ITGB4: variants seen among roughly 807,000 people sequenced by gnomAD.
The protein encoded by ITGB4 is integrin subunit beta 4.
Under a neutral mutation model 207.6 loss-of-function variants are expected in ITGB4, and 159 were observed. The observed-to-expected ratio is 0.77, with a 90% CI of 0.67 to 0.87. The LOEUF (loss-of-function observed/expected upper bound fraction) is 0.87. Ranked by LOEUF, ITGB4 falls within the 40% of genes least tolerant of loss-of-function variation. The pLI is 0.00. For synonymous variants in ITGB4, 1,020 were observed against 1,062.7 expected (o/e 0.96, Z 0.78); for missense variants, 2,278 against 2,546.8 (o/e 0.89, Z 2.27).
At chr17:75,748,803 C>G in intron 26 of ITGB4, 38 bp from the exon 27 acceptor site, 1 of 1,523,466 alleles carries the variant, frequency 6.6e-7, no homozygotes, top group Non-Finnish European at 9.0e-7. Flanking sequence ...GCCTCAGCCC[C>G]CAGCCATGAC....
At chr17:75,725,411 C>T (rs557497547) in intron 2 of ITGB4, among the ~76,000 whole-genome samples, 8 of 152,296 alleles carry the variant, frequency 5.3e-5, no homozygotes, top group African/African-American at 1.9e-4. Context: ...TTCCCAGGCT[C>T]AAGCAATCCT....
intron 13 of ITGB4, among the ~76,000 whole-genome samples, chr17:75,733,970 T>C (rs1013677175): frequency 6.6e-6 from 1 of 152,102 alleles, no homozygotes; most frequent in Non-Finnish European, 1.5e-5. Context: ...CTCTGGAAGT[T>C]CAGTTCTATG....
chr17:75,735,665 C>G (rs777745483), intron 13 of ITGB4, among the ~76,000 whole-genome samples: 3 of 152,174 alleles, frequency 2.0e-5, no homozygotes, highest in Non-Finnish European at 2.9e-5. Flanking sequence ...CCCGCCTCAG[C>G]CTCCCAAAGT....
chr17:75,733,733 G>C, intron 13 of ITGB4, 41 bp downstream of exon 13: 18 of 1,591,158 alleles, frequency 1.1e-5, no homozygotes, highest in Non-Finnish European at 1.5e-5. Context: ...GGCGGGGTAG[G>C]GAGTGGACAG....
chr17:75,722,771 G>GTGTGTT lies in ITGB4; in HGVS notation c.-11+1164_-11+1165insTTGTGT, dbSNP rs1195630048. Among the ~76,000 whole-genome samples the GTGTGTT allele has an allele frequency of 3.3e-5, 5 of 149,860 alleles. No individual in the cohort carries two copies. In the East Asian group the frequency reaches 7.8e-4, roughly 23 times the overall value. ...GTGGGCATGGCCTGTGTGTGTGTGT[G>GTGTGTT]TGTGTGTGTGTGTGTGTGTGTCCCT... On this transcript the variant is annotated intron_variant, in intron 1 of 39. Transcript: ENST00000200181. This position sits in a 1 kb window ranked among gnomAD's most constrained non-coding sequence, Gnocchi z 6.2.
rs550867902 is a variant in ITGB4 at position 75,731,880 on chromosome 17, G to T, written c.1284G>T (p.Glu428Asp). 30 of 1,613,944 alleles carry T rather than the reference G, an allele frequency of 1.9e-5. No individual in the cohort carries two copies. The African/African-American group carries it at 3.7e-4, about 20-fold the overall frequency. The change falls in exon 11 of 40, where the codon GAG becomes GAT. Residue 428 changes from glutamate (E) to aspartate (D), a missense_variant. Physicochemically the swap from Glu to Asp is conservative, Grantham distance 45 (BLOSUM62 2). Transcript: ENST00000200181. The surrounding 1 kb of genome is among the most constrained non-coding windows in gnomAD (Gnocchi z 6.8). ...GGACGCACGTGTGCCAGCTGCCGGA[G>T]GACCAGAAGGGCAACATCCATCTGA... is the stretch of plus-strand genomic sequence containing the variant. Reference protein sequence around the residue: ...VDGTHVCQLPEDQKGNIHLKP... With the variant: ...VDGTHVCQLPDDQKGNIHLKP...
chr17:75,736,781 G>A, intron 16 of ITGB4, 87 bp downstream of exon 16: 1 of 1,446,938 alleles, frequency 6.9e-7, no homozygotes, highest in Non-Finnish European at 9.5e-7. Context: ...CTGGACGGGG[G>A]CTTGCAGTCT....
rs763778077 is a variant in ITGB4, at chr17:75,740,374, C to T, written c.2463C>T (p.Ser821=). The T allele has an allele frequency of 2.9e-5, 46 of 1,613,564 alleles. No homozygotes were observed. Among genetic ancestry groups the T allele is most frequent in the Non-Finnish European group, 3.9e-5 (46 of 1,180,026 alleles). Residue 821 remains serine (S), a synonymous_variant, in exon 21 of 40, where the codon TCC becomes TCT. Coordinates refer to ENST00000200181, the MANE Select transcript of ITGB4 (RefSeq NM_000213.5). This position sits in a 1 kb window ranked among gnomAD's most constrained non-coding sequence, Gnocchi z 5.9. ...TTTCCTTAGTGCCCTACGGGCTGTCCTTGCGCCTGGCCCGCCTTTGCACCG... is the reference window on the plus strand; with the variant it reads ...TTTCCTTAGTGCCCTACGGGCTGTCTTTGCGCCTGGCCCGCCTTTGCACCG... ...NPTELVPYGL[S]LRLARLCTEN... is the part of the protein sequence containing the mutation.
At chr17:75,754,439 G>A in intron 33 of ITGB4, 137 bp from the exon 34 acceptor site, 1 of 1,079,314 alleles carries the variant, frequency 9.3e-7, no homozygotes, top group Non-Finnish European at 1.4e-6. Flanking sequence ...TGTCCCTAGT[G>A]GTTTGAGGGA....
rs1455721404 is a variant in ITGB4, at chr17:75,727,630, G to C, written c.265-21G>C. ...CTCCGGAGTGACCCTCTAGCCAGCT[G>C]TCCCCTTCCACTGGCTGCAGGAGAC... On this transcript the variant is annotated intron_variant, in intron 4 of 39. Coordinates refer to ENST00000200181, the MANE Select transcript of ITGB4 (RefSeq NM_000213.5). This position sits in a 1 kb window ranked among gnomAD's most constrained non-coding sequence, Gnocchi z 6.0. 1.3e-6 allele frequency: 2 copies of C among 1,593,136 alleles called. No homozygotes were observed. The highest frequency in any genetic ancestry group is 1.8e-5 in the Admixed American group (1 of 56,828).
chr17:75,729,328 A>G lies in ITGB4; in HGVS notation c.630A>G (p.Thr210=). The change falls in exon 7 of 40, where the codon ACA becomes ACG. Residue 210 remains threonine, a synonymous_variant. Coordinates refer to ENST00000200181, the MANE Select transcript of ITGB4 (RefSeq NM_000213.5). This position sits in a 1 kb window ranked among gnomAD's most constrained non-coding sequence, Gnocchi z 4.4. ...PFSFKNVISL[T]EDVDEFRNKL... Reference sequence around the variant, plus strand: ...CCTTCAAGAACGTCATCAGCCTGACAGAAGATGTGGATGAGTTCCGGAATA... The same window carrying G: ...CCTTCAAGAACGTCATCAGCCTGACGGAAGATGTGGATGAGTTCCGGAATA... The G allele has an allele frequency of 2.5e-6, 4 of 1,614,138 alleles. No individual in the cohort carries two copies. Among genetic ancestry groups the G allele is most frequent in the Non-Finnish European group, 2.5e-6 (3 of 1,180,022 alleles).
chr17:75,747,877 T>TTTTG (rs952773966), intron 26 of ITGB4, among the ~76,000 whole-genome samples: 6 of 152,212 alleles, frequency 3.9e-5, no homozygotes, highest in African/African-American at 1.4e-4. Flanking sequence ...CTGGTTTGTT[T>TTTTG]TTTGTTTGTT....
At chr17:75,730,536 G>C in intron 8 of ITGB4, 32 bp downstream of exon 8, 2 of 1,611,952 alleles carry the variant, frequency 1.2e-6, no homozygotes, top group Non-Finnish European at 1.7e-6. Flanking sequence ...GGTGGGAGGT[G>C]GTCAAGGTAG....
chr17:75,736,443 T>G lies in ITGB4; in HGVS notation c.1860+57T>G, dbSNP rs556894868. On this transcript the variant is annotated intron_variant, in intron 15 of 39. Transcript: ENST00000200181. ...GGAACAGGGCAGGCACAGGGCAGTG[T>G]GGGCAGGAGGGGCTAAGCCTGATGC... is the stretch of plus-strand genomic sequence containing the variant. 1.7e-5 allele frequency: 27 copies of G among 1,608,704 alleles called. No homozygotes were observed. The African/African-American group carries it at 3.3e-4, about 20-fold the overall frequency.
intron 34 of ITGB4, chr17:75,755,046 C>T: frequency 1.3e-6 from 2 of 1,592,480 alleles, no homozygotes; most frequent in Non-Finnish European, 8.6e-7. Context: ...TTGTTTTGTC[C>T]TGCCCTAGGC....
chr17:75,722,783 G>GTGTGTGTGTT lies in ITGB4; in HGVS notation c.-11+1180_-11+1181insTTGTGTGTGT, dbSNP rs1351129958. Reference sequence around the variant, plus strand: ...TGTGTGTGTGTGTGTGTGTGTGTGTGTGTGTGTGTCCCTGTGGGGGGGAAA... The same window carrying GTGTGTGTGTT: ...TGTGTGTGTGTGTGTGTGTGTGTGTGTGTGTGTGTTTGTGTGTGTCCCTGTGGGGGGGAAA... On this transcript the variant is annotated intron_variant, in intron 1 of 39. Coordinates refer to ENST00000200181, the MANE Select transcript of ITGB4 (RefSeq NM_000213.5). This position sits in a 1 kb window ranked among gnomAD's most constrained non-coding sequence, Gnocchi z 6.2. 2.0e-4 allele frequency among the ~76,000 whole-genome samples: 30 copies of GTGTGTGTGTT among 151,640 alleles called. No individual in the cohort carries two copies. The highest frequency in any genetic ancestry group is 7.0e-4 in the African/African-American group (29 of 41,238).
In ITGB4 at chr17:75,731,034, G is replaced by C. The variant is rs2060845346; in HGVS notation, c.1092+70G>C. 2.7e-6 allele frequency: 4 copies of C among 1,477,888 alleles called. No individual in the cohort carries two copies. Among genetic ancestry groups the C allele is most frequent in the Non-Finnish European group, 3.8e-6 (4 of 1,059,014 alleles). 91.5% of individuals were successfully genotyped at this position (1,477,888 alleles called of 1,614,324 possible). A position where few individuals can be genotyped will look rare whatever the true frequency, so the allele number is the denominator to read the frequency against. On this transcript the variant is annotated intron_variant, in intron 9 of 39. Transcript: ENST00000200181. The surrounding 1 kb of genome is among the most constrained non-coding windows in gnomAD (Gnocchi z 6.8). ...GGCAGGAAGTGGGCAGGGTGGGCAA[G>C]AGGTGTCTTGGATCACGGTGGAGAA...
intron 27 of ITGB4, 123 bp from the exon 28 acceptor site, chr17:75,749,988 G>T (rs549230896): frequency 1.7e-6 from 2 of 1,202,648 alleles, no homozygotes; most frequent in Non-Finnish European, 2.5e-6. Flanking sequence ...CCAGAGACGC[G>T]GGTGGGCAGG....
intron 26 of ITGB4, among the ~76,000 whole-genome samples, chr17:75,748,211 A>AAT (rs1452336608): frequency 2.7e-5 from 4 of 148,008 alleles, no homozygotes; most frequent in Non-Finnish European, 5.9e-5. Context: ...AAAAAAAAAA[A>AAT]AAAAAATAGC....
Sources: gnomAD v4.1 joint callset for allele counts (sites outside exome capture counted in the v4.1 genomes callset) on GRCh38, gnomAD v4.1.1 for gene constraint, Gnocchi (gnomAD v3.1) non-coding constraint, MANE v1.5 for transcripts, NCBI Gene and HGNC (gene_info 2026-07-23, HGNC 2026-07-21) for gene names.